Variants in EP400 observed in about 807,000 individuals in gnomAD.
EP400 encodes E1A binding protein p400.
A neutral mutation model predicts 354.1 loss-of-function variants in EP400; 105 were observed. The ratio of observed to expected loss-of-function variants is 0.30; its 90% CI spans 0.25 to 0.35. The LOEUF (loss-of-function observed/expected upper bound fraction) is 0.35, where lower values mean the gene tolerates loss of function less well. EP400 is among the 10% of genes least tolerant of loss of function. The probability of loss-of-function intolerance (pLI) is 1.00; values close to 1 mark genes in which losing one functional copy is unlikely to be tolerated. For missense variants in EP400, 3,280 were observed against 4,121.0 expected (o/e 0.80, Z 5.59); for synonymous variants, 1,646 against 1,716.9 (o/e 0.96, Z 1.02).
Position 132,017,686 on chromosome 12 carries a change from C to T in EP400, c.4075C>T (p.Leu1359=). 1 of 1,559,388 alleles carries T rather than the reference C, an allele frequency of 6.4e-7. No individual in the cohort carries two copies. The highest frequency in any genetic ancestry group is 8.7e-7 in the Non-Finnish European group (1 of 1,152,256). The change falls in exon 20 of 53, where the codon CTA becomes TTA. Residue 1359 remains leucine, a synonymous_variant. Coordinates refer to ENST00000389561, the MANE Select transcript of EP400 (RefSeq NM_015409.5). The surrounding 1 kb of genome is among the most constrained non-coding windows in gnomAD (Gnocchi z 5.0). The part of the protein sequence containing the change: ...AGPLEYPSAS[L]ILKALERDFW... Reference sequence around the variant, plus strand: ...GCCACTGGAGTATCCGTCCGCATCTCTAATCCTGAAGGCACTGGAGAGAGA... The same window carrying T: ...GCCACTGGAGTATCCGTCCGCATCTTTAATCCTGAAGGCACTGGAGAGAGA...
At chr12:132,023,537 T>C (rs1181420755) in intron 23 of EP400, among the ~76,000 whole-genome samples, 1 of 152,124 alleles carries the variant, frequency 6.6e-6, no homozygotes, top group East Asian at 1.9e-4. Context: ...ATCTGATATC[T>C]AAAATCCCAA....
At chr12:132,061,840 C>T (rs962302140) in intron 45 of EP400, among the ~76,000 whole-genome samples, 4 of 152,250 alleles carry the variant, frequency 2.6e-5, no homozygotes, top group Non-Finnish European at 2.9e-5. Flanking sequence ...GAGGGAGGGA[C>T]AGGACGGCCT....
At chr12:132,006,039 T>G in intron 13 of EP400, 73 bp from the exon 14 acceptor site, 2 of 1,443,974 alleles carry the variant, frequency 1.4e-6, no homozygotes, top group South Asian at 2.8e-5. Context: ...AACTTTTTCC[T>G]GTTTTAAAAA....
chr12:131,975,761 G>T (rs77279134), intron 2 of EP400, among the ~76,000 whole-genome samples: 1 of 152,042 alleles, frequency 6.6e-6, no homozygotes, highest in African/African-American at 2.4e-5. Flanking sequence ...TTTTCGCCAC[G>T]TTGGTCAGGC....
At chr12:132,008,910 G>A (rs1288768898) in intron 15 of EP400, among the ~76,000 whole-genome samples, 4 of 144,468 alleles carry the variant, frequency 2.8e-5, no homozygotes, top group African/African-American at 7.7e-5. Flanking sequence ...GTGAGACACC[G>A]TGCCCAGCCT....
Position 132,044,180 on chromosome 12 carries a change from G to T in EP400, c.6454G>T (p.Ala2152Ser), listed in dbSNP as rs144245663. ...EQEKERNSED[A>S]VMTAVRAWEF... is the part of the protein sequence containing the mutation. ...TTCTTGCTGCTCTCCCCGTCAGGAC[G>T]CAGTGATGACTGCAGTGAGGGCATG... is the stretch of plus-strand genomic sequence containing the variant. The change falls in exon 35 of 53, where the codon GCA (alanine) becomes TCA (serine). Residue 2152 changes from alanine (A) to serine (S), a missense_variant. Physicochemically the swap from Ala to Ser is moderately conservative, Grantham distance 99. Coordinates refer to ENST00000389561, the MANE Select transcript of EP400 (RefSeq NM_015409.5). The T allele has an allele frequency of 6.2e-7, 1 of 1,614,068 alleles. No homozygotes were observed. Among genetic ancestry groups the T allele is most frequent in the East Asian group, 2.2e-5 (1 of 44,882 alleles).
chr12:131,977,593 G>T (rs1021930727), intron 2 of EP400, among the ~76,000 whole-genome samples: 1 of 151,450 alleles, frequency 6.6e-6, no homozygotes, highest in Non-Finnish European at 1.5e-5. Flanking sequence ...ATTTAGAAAC[G>T]CACACACACA....
chr12:131,962,392 G>T (rs935161188), intron 2 of EP400, among the ~76,000 whole-genome samples: 1 of 152,060 alleles, frequency 6.6e-6, no homozygotes, highest in African/African-American at 2.4e-5. Context: ...CATTTTACTC[G>T]TATAGATCTC....
Position 132,075,360 on chromosome 12 carries a change from G to A in EP400, c.9022-1156G>A, listed in dbSNP as rs1209758934. On this transcript the variant is annotated intron_variant, in intron 51 of 52. Transcript: ENST00000389561. The surrounding 1 kb of genome is among the most constrained non-coding windows in gnomAD (Gnocchi z 4.5). Reference sequence around the variant, plus strand: ...GTGCAGCTTTTCTGCTCCGTGACTCGTGATGCCCGCCTGTGCTTAGGTTTG... The same window carrying A: ...GTGCAGCTTTTCTGCTCCGTGACTCATGATGCCCGCCTGTGCTTAGGTTTG... Among the ~76,000 whole-genome samples, 3 of 152,154 alleles carry A rather than the reference G, an allele frequency of 2.0e-5. No individual in the cohort carries two copies. The highest frequency in any genetic ancestry group is 6.5e-5 in the Admixed American group (1 of 15,274).
Position 131,960,901 on chromosome 12 carries a change from G to A in EP400, c.282G>A (p.Leu94=). Residue 94 remains leucine (L), a synonymous_variant, in exon 2 of 53, where the codon CTG becomes CTA. Transcript: ENST00000389561. The part of the protein sequence containing the change: ...GGNQQITLAP[L]PLPSPTSPGF... ...ACCAGCAGATCACACTGGCCCCACTGCCGCTCCCCAGCCCCACCTCTCCAG... is the reference window on the plus strand; with the variant it reads ...ACCAGCAGATCACACTGGCCCCACTACCGCTCCCCAGCCCCACCTCTCCAG... The A allele has an allele frequency of 6.2e-7, 1 of 1,613,986 alleles. No homozygotes were observed. The highest frequency in any genetic ancestry group is 8.5e-7 in the Non-Finnish European group (1 of 1,180,024).
At chr12:132,026,260 A>C (rs1316952400) in intron 25 of EP400, among the ~76,000 whole-genome samples, 1 of 152,078 alleles carries the variant, frequency 6.6e-6, no homozygotes, top group Non-Finnish European at 1.5e-5. Context: ...GTCTCTCTGG[A>C]CATGCTCTGT....
At chr12:132,014,503 G>C (rs1893863546) in intron 19 of EP400, among the ~76,000 whole-genome samples, 1 of 152,174 alleles carries the variant, frequency 6.6e-6, no homozygotes, top group African/African-American at 2.4e-5. Context: ...CTTCAGATGT[G>C]CATGGTTTTG....
intron 2 of EP400, among the ~76,000 whole-genome samples, chr12:131,970,211 A>G (rs1279896538): frequency 6.6e-6 from 1 of 152,260 alleles, no homozygotes; most frequent in East Asian, 1.9e-4. Flanking sequence ...GTAGGACAAT[A>G]GGCCAGGAGT....
intron 1 of EP400, among the ~76,000 whole-genome samples, chr12:131,957,124 G>A (rs549159718): frequency 6.6e-6 from 1 of 152,158 alleles, no homozygotes; most frequent in Non-Finnish European, 1.5e-5. Flanking sequence ...ACCCACCTCA[G>A]CCTCCCAAAG....
At chr12:131,989,126 G>A (rs1892951924) in intron 7 of EP400, among the ~76,000 whole-genome samples, 2 of 152,252 alleles carry the variant, frequency 1.3e-5, no homozygotes. Context: ...GGCTGGATGG[G>A]TGGGGGCTGG....
intron 12 of EP400, among the ~76,000 whole-genome samples, chr12:131,996,301 T>C (rs1473925321): frequency 6.7e-6 from 1 of 149,586 alleles, no homozygotes; most frequent in Non-Finnish European, 1.5e-5. Flanking sequence ...AACTCTTTTT[T>C]TTTTTTTTTT....
chr12:131,971,286 C>G (rs1454556697), intron 2 of EP400, among the ~76,000 whole-genome samples: 2 of 152,136 alleles, frequency 1.3e-5, no homozygotes, highest in African/African-American at 4.8e-5. Flanking sequence ...ATTATGCCCT[C>G]TAGGTTCATT....
At position 131,960,673 on chromosome 12, in the gene EP400, G is replaced by A; in HGVS notation, c.54G>A (p.Arg18=). ...TCCAGCATCAGCTGCAGAGGTCCAG[G>A]GCCTGCCCTGGCAGCGAGGGTGAGG... ...QNVQHQLQRS[R]ACPGSEGEEQ... is the part of the protein sequence containing the mutation. Residue 18 remains arginine, a synonymous_variant, in exon 2 of 53, where the codon AGG becomes AGA. Coordinates refer to ENST00000389561, the MANE Select transcript of EP400 (RefSeq NM_015409.5). The A allele has an allele frequency of 6.3e-7, 1 of 1,585,240 alleles. No individual in the cohort carries two copies. Among genetic ancestry groups the A allele is most frequent in the Non-Finnish European group, 8.6e-7 (1 of 1,167,084 alleles).
At chr12:131,978,185 T>C (rs1237780410) in intron 2 of EP400, among the ~76,000 whole-genome samples, 1 of 152,158 alleles carries the variant, frequency 6.6e-6, no homozygotes, top group African/African-American at 2.4e-5. Flanking sequence ...TACGAGCAGT[T>C]TTAGGTTCAC....
Sources: gnomAD v4.1 joint callset for allele counts (sites outside exome capture counted in the v4.1 genomes callset) on GRCh38, gnomAD v4.1.1 for gene constraint, Gnocchi (gnomAD v3.1) non-coding constraint, MANE v1.5 for transcripts, NCBI Gene and HGNC (gene_info 2026-07-23, HGNC 2026-07-21) for gene names.